Variants in CTNNA3 observed in about 807,000 individuals in gnomAD.
The protein encoded by CTNNA3 is catenin alpha 3.
A neutral mutation model predicts 95.7 loss-of-function variants in CTNNA3; 76 were observed. The ratio of observed to expected loss-of-function variants is 0.79; its 90% CI spans 0.66 to 0.96. The LOEUF is 0.96. Ranked by LOEUF, CTNNA3 falls within the 40% of genes least tolerant of loss-of-function variation. The pLI, the probability that CTNNA3 is intolerant of heterozygous loss-of-function variation, is 0.00. For missense variants in CTNNA3, 1,191 were observed against 1,089.8 expected (o/e 1.09, Z -1.31); for synonymous variants, 431 against 374.4 (o/e 1.15, Z -1.74).
intron 4 of CTNNA3, 53 bp downstream of exon 4, chr10:67,539,450 T>C (rs2133202556): frequency 6.3e-7 from 1 of 1,590,172 alleles, no homozygotes; most frequent in Non-Finnish European, 8.6e-7. Context: ...GTTCAGAGAA[T>C]GAAATTAGAA....
intron 9 of CTNNA3, among the ~76,000 whole-genome samples, chr10:66,700,883 A>T (rs1189707144): frequency 6.6e-6 from 1 of 152,284 alleles, no homozygotes; most frequent in African/African-American, 2.4e-5. Context: ...AAGTAATATA[A>T]TCTGCTTATA....
At chr10:65,989,806 T>C (rs576472683) in intron 15 of CTNNA3, among the ~76,000 whole-genome samples, 1 of 152,210 alleles carries the variant, frequency 6.6e-6, no homozygotes, top group South Asian at 2.1e-4. Context: ...ATTGAATATT[T>C]GAATTGTTCT....
intron 11 of CTNNA3, among the ~76,000 whole-genome samples, chr10:66,470,679 T>C (rs1839095477): frequency 6.6e-6 from 1 of 151,346 alleles, no homozygotes; most frequent in South Asian, 2.1e-4. Flanking sequence ...GACAGATAAG[T>C]AGGTAGAAGT....
At chr10:66,904,375 A>T (rs555681015) in intron 7 of CTNNA3, among the ~76,000 whole-genome samples, 1 of 152,350 alleles carries the variant, frequency 6.6e-6, no homozygotes, top group African/African-American at 2.4e-5. Context: ...TTCAAGATGG[A>T]TTAAAGACTT....
chr10:67,035,739 A>T (rs567514665), intron 7 of CTNNA3, among the ~76,000 whole-genome samples: 9 of 152,192 alleles, frequency 5.9e-5, no homozygotes, highest in Non-Finnish European at 1.0e-4. Flanking sequence ...CATCACAGAA[A>T]TGCTTTCACT....
chr10:67,737,561 G>A (rs944645606), intron 1 of CTNNA3, among the ~76,000 whole-genome samples: 2 of 152,142 alleles, frequency 1.3e-5, no homozygotes, highest in Admixed American at 1.3e-4. Context: ...TTAAAAGTTA[G>A]TTTTTTGGCA....
intron 2 of CTNNA3, among the ~76,000 whole-genome samples, chr10:67,623,040 A>G (rs1042583096): frequency 5.1e-4 from 77 of 152,334 alleles, no homozygotes; most frequent in African/African-American, 1.8e-3. Context: ...CTATGTGTGC[A>G]GACTTCCTTT....
At chr10:66,014,586 G>C (rs1178255311) in intron 15 of CTNNA3, among the ~76,000 whole-genome samples, 1 of 152,098 alleles carries the variant, frequency 6.6e-6, no homozygotes, top group Non-Finnish European at 1.5e-5. Flanking sequence ...TTTTGGTCTA[G>C]TATAAGTACT....
At chr10:67,199,573 G>T (rs957991207) in intron 6 of CTNNA3, among the ~76,000 whole-genome samples, 1 of 152,070 alleles carries the variant, frequency 6.6e-6, no homozygotes, top group African/African-American at 2.4e-5. Context: ...GTTTCACCGT[G>T]TTAGCCAGGA....
chr10:67,637,000 C>T (rs1839338596), intron 2 of CTNNA3, among the ~76,000 whole-genome samples: 1 of 152,194 alleles, frequency 6.6e-6, no homozygotes, highest in Non-Finnish European at 1.5e-5. Flanking sequence ...AGCAACGTAA[C>T]AAAGCTGCAT....
intron 11 of CTNNA3, among the ~76,000 whole-genome samples, chr10:66,492,292 TTTTTG>T (rs1384276954): frequency 6.6e-6 from 1 of 152,148 alleles, no homozygotes. Flanking sequence ...ATGCTTTTTG[TTTTTG>T]TTTTGAGACA....
chr10:66,886,398 G>C (rs138889071), intron 7 of CTNNA3, among the ~76,000 whole-genome samples: 43 of 152,192 alleles, frequency 2.8e-4, no homozygotes, highest in African/African-American at 1.0e-3. Flanking sequence ...TCTTCACTCT[G>C]TCTCCAATCC....
chr10:66,285,634 GT>G (rs919296547), intron 12 of CTNNA3, among the ~76,000 whole-genome samples: 1 of 151,102 alleles, frequency 6.6e-6, no homozygotes, highest in African/African-American at 2.4e-5. Flanking sequence ...GATGACCTTT[GT>G]TCTTTTATGT....
At chr10:65,979,028 T>C (rs1488117735) in intron 16 of CTNNA3, among the ~76,000 whole-genome samples, 1 of 152,118 alleles carries the variant, frequency 6.6e-6, no homozygotes, top group Non-Finnish European at 1.5e-5. Context: ...ATGAGAGTTA[T>C]AATTGGGAAA....
chr10:66,449,126 A>G, intron 11 of CTNNA3, among the ~76,000 whole-genome samples: 1 of 152,154 alleles, frequency 6.6e-6, no homozygotes, highest in East Asian at 1.9e-4. Flanking sequence ...TATATGCCCA[A>G]TAAAATGAGA....
intron 7 of CTNNA3, among the ~76,000 whole-genome samples, chr10:66,839,926 T>C (rs1009647726): frequency 1.3e-5 from 2 of 152,164 alleles, no homozygotes; most frequent in African/African-American, 4.8e-5. Flanking sequence ...TTCATAGTTG[T>C]CTGTGAAATT....
intron 5 of CTNNA3, among the ~76,000 whole-genome samples, chr10:67,493,625 A>G: frequency 6.6e-6 from 1 of 152,046 alleles, no homozygotes; most frequent in East Asian, 1.9e-4. Flanking sequence ...ATATATTAAC[A>G]TTTCTTTTTA....
At chr10:66,048,486 C>T (rs771710119) in intron 15 of CTNNA3, among the ~76,000 whole-genome samples, 4 of 152,070 alleles carry the variant, frequency 2.6e-5, no homozygotes, top group Non-Finnish European at 4.4e-5. Flanking sequence ...CAAGGCTCAG[C>T]GCGGTGGCTC....
intron 10 of CTNNA3, among the ~76,000 whole-genome samples, chr10:66,549,793 T>C (rs973324034): frequency 5.3e-5 from 8 of 152,218 alleles, no homozygotes; most frequent in African/African-American, 1.9e-4. Context: ...TTCTTAGATA[T>C]CTACTTTGAT....
Sources: allele counts gnomAD v4.1 joint callset (sites outside exome capture counted in the v4.1 genomes callset), GRCh38; gene constraint gnomAD v4.1.1; transcripts MANE v1.5; gene names NCBI Gene and HGNC (gene_info 2026-07-23, HGNC 2026-07-21).